The following FGGY variants were observed in gnomAD, a reference collection of about 807,000 sequenced individuals.
FGGY encodes the protein FGGY carbohydrate kinase domain containing, also known as FGGY carbohydrate kinase domain-containing protein.
Under a neutral mutation model 71.3 loss-of-function variants are expected in FGGY, and 72 were observed. That is an observed-to-expected ratio of 1.01 (90% confidence interval 0.84 to 1.23). The LOEUF is 1.23. Ranked by LOEUF, FGGY falls within the 50% of genes most tolerant of loss-of-function variation. The pLI is 0.00. For missense variants in FGGY, 668 were observed against 682.3 expected, an observed-to-expected ratio of 0.98 and a Z score of 0.23; for synonymous variants, 251 against 250.3, an observed-to-expected ratio of 1.00 and a Z score of -0.02.
At chr1:59,469,000 A>T (rs1455803241) in intron 6 of FGGY, among the ~76,000 whole-genome samples, 1 of 152,168 alleles carries the variant, frequency 6.6e-6, no homozygotes, top group African/African-American at 2.4e-5. Context: ...GTCACACTGA[A>T]TCAAAGTTCA....
At chr1:59,498,103 A>T (rs1273005675) in intron 6 of FGGY, among the ~76,000 whole-genome samples, 2 of 152,134 alleles carry the variant, frequency 1.3e-5, no homozygotes, top group Non-Finnish European at 2.9e-5. Context: ...GCTTTTCTTT[A>T]TTGTTATTAG....
At chr1:59,455,203 G>T (rs1261059148) in intron 5 of FGGY, among the ~76,000 whole-genome samples, 1 of 152,194 alleles carries the variant, frequency 6.6e-6, no homozygotes, top group African/African-American at 2.4e-5. Context: ...GACAGTTACT[G>T]TGGTAAATTA....
intron 14 of FGGY, among the ~76,000 whole-genome samples, chr1:59,717,890 T>A (rs2097856599): frequency 6.6e-6 from 1 of 152,228 alleles, no homozygotes; most frequent in Admixed American, 6.5e-5. Context: ...ATTAACTTAT[T>A]TAGTCTTCAG....
At chr1:59,555,259 T>C (rs1460235558) in intron 8 of FGGY, among the ~76,000 whole-genome samples, 2 of 152,178 alleles carry the variant, frequency 1.3e-5, no homozygotes, top group East Asian at 1.9e-4. Flanking sequence ...ATACTAAGCA[T>C]CTGTTATGTG....
chr1:59,738,231 G>A (rs1023734968), intron 14 of FGGY, among the ~76,000 whole-genome samples: 1 of 152,110 alleles, frequency 6.6e-6, no homozygotes, highest in South Asian at 2.1e-4. Context: ...CAGGGAACAG[G>A]GTAAGGATTG....
At chr1:59,617,888 A>G (rs189363296) in intron 9 of FGGY, among the ~76,000 whole-genome samples, 215 of 152,226 alleles carry the variant, frequency 1.4e-3, no homozygotes, top group African/African-American at 5.1e-3. Context: ...TAGGATGTGT[A>G]CATTGTGAGT....
chr1:59,587,354 C>T (rs1163837069), intron 8 of FGGY, among the ~76,000 whole-genome samples: 4 of 152,102 alleles, frequency 2.6e-5, no homozygotes, highest in African/African-American at 9.7e-5. Context: ...GTAGGCTCCA[C>T]CTCTGGGGGC....
At chr1:59,372,946 T>A (rs1158820805) in intron 4 of FGGY, among the ~76,000 whole-genome samples, 1 of 152,074 alleles carries the variant, frequency 6.6e-6, no homozygotes, top group Non-Finnish European at 1.5e-5. Flanking sequence ...AACCCACAGC[T>A]AATATCACAC....
chr1:59,691,513 T>C (rs974255994), intron 14 of FGGY, among the ~76,000 whole-genome samples: 11 of 152,298 alleles, frequency 7.2e-5, no homozygotes, highest in Middle Eastern at 3.4e-3. Flanking sequence ...CTCTTGGAGA[T>C]TGATTTTCCG....
intron 11 of FGGY, among the ~76,000 whole-genome samples, chr1:59,641,885 G>T (rs1487804109): frequency 6.6e-6 from 1 of 152,158 alleles, no homozygotes; most frequent in East Asian, 1.9e-4. Context: ...AAAGCACAAG[G>T]TTCTTTTAAA....
In FGGY at chr1:59,625,674, A is replaced by G. The variant is rs139285844; in HGVS notation, c.1012-314A>G. Among the ~76,000 whole-genome samples the G allele has an allele frequency of 5.1e-3, 776 of 152,188 alleles. 5 individuals carry two copies. The highest frequency in any genetic ancestry group is 7.7e-3 in the Non-Finnish European group (524 of 68,002). On this transcript the variant is annotated intron_variant, in intron 9 of 15. Transcript: ENST00000303721. ...AACACTCAGACCCCCCCCATTTGAC[A>G]TAAGTTACCCTTCCTTCTCATTCTT...
chr1:59,727,522 A>G (rs1393641885), intron 14 of FGGY, among the ~76,000 whole-genome samples: 1 of 152,198 alleles, frequency 6.6e-6, no homozygotes, highest in Non-Finnish European at 1.5e-5. Flanking sequence ...GATCTCTACA[A>G]GAACTATAAA....
chr1:59,706,893 T>C (rs2097760867), intron 14 of FGGY, among the ~76,000 whole-genome samples: 1 of 152,166 alleles, frequency 6.6e-6, no homozygotes, highest in South Asian at 2.1e-4. Context: ...CTTAATAAAA[T>C]TAATTATTAT....
intron 14 of FGGY, among the ~76,000 whole-genome samples, chr1:59,723,271 A>G (rs2097912551): frequency 6.6e-6 from 1 of 152,148 alleles, no homozygotes; most frequent in Admixed American, 6.5e-5. Flanking sequence ...ATATTTCTGT[A>G]TGTAATCATC....
chr1:59,744,391 G>A (rs2098176851), intron 14 of FGGY, among the ~76,000 whole-genome samples: 1 of 152,102 alleles, frequency 6.6e-6, no homozygotes, highest in Admixed American at 6.5e-5. Flanking sequence ...CAGCTAATTT[G>A]TGTATTTTCA....
chr1:59,338,034 T>C (rs963128691), intron 2 of FGGY, among the ~76,000 whole-genome samples: 1 of 152,188 alleles, frequency 6.6e-6, no homozygotes, highest in African/African-American at 2.4e-5. Context: ...CTTCTATGTC[T>C]GGTTTATTGA....
chr1:59,427,428 C>T (rs374385429), intron 5 of FGGY, among the ~76,000 whole-genome samples: 18 of 152,144 alleles, frequency 1.2e-4, no homozygotes, highest in African/African-American at 3.9e-4. Context: ...CACGAGATGG[C>T]GGAGGTAAGA....
chr1:59,471,864 C>G (rs1347357803), intron 6 of FGGY, among the ~76,000 whole-genome samples: 1 of 152,254 alleles, frequency 6.6e-6, no homozygotes, highest in South Asian at 2.1e-4. Flanking sequence ...AGAAGCAGAG[C>G]AGGCAGTCAC....
intron 6 of FGGY, among the ~76,000 whole-genome samples, chr1:59,463,983 A>C (rs2092442184): frequency 6.6e-6 from 1 of 152,206 alleles, no homozygotes; most frequent in South Asian, 2.1e-4. Context: ...AAGGATACCC[A>C]GGACTTGAAT....
Sources: allele counts gnomAD v4.1 joint callset (sites outside exome capture counted in the v4.1 genomes callset), GRCh38; gene constraint gnomAD v4.1.1; transcripts MANE v1.5; gene names NCBI Gene and HGNC (gene_info 2026-07-23, HGNC 2026-07-21).